The following CCNY variants were observed in gnomAD, a reference collection of about 807,000 sequenced individuals.
CCNY encodes the protein cyclin-Y.
A neutral mutation model predicts 42.8 loss-of-function variants in CCNY; 19 were observed. The ratio of observed to expected loss-of-function variants is 0.44; its 90% CI spans 0.31 to 0.65. The LOEUF is 0.65. Among genes scored for constraint, CCNY ranks in the 30% least tolerant of loss-of-function variants. CCNY has a pLI of 0.07. For missense variants in CCNY, 370 were observed against 437.3 expected (o/e 0.85, Z 1.37); for synonymous variants, 165 against 162.7 (o/e 1.01, Z -0.11).
chr10:35,518,998 C>T (rs1445607246), intron 4 of CCNY, among the ~76,000 whole-genome samples: 2 of 138,548 alleles, frequency 1.4e-5, no homozygotes, highest in Admixed American at 7.3e-5. Flanking sequence ...CTGGCTGAGG[C>T]ATACTGTGGG....
intron 1 of CCNY, among the ~76,000 whole-genome samples, chr10:35,352,456 G>T (rs1052511754): frequency 6.6e-6 from 1 of 152,198 alleles, no homozygotes; most frequent in Non-Finnish European, 1.5e-5. Context: ...TAGGCTTAGA[G>T]CCACAGCCAT....
chr10:35,326,803 C>T (rs1254998113), intron 3 of CCNY, among the ~76,000 whole-genome samples: 2 of 152,164 alleles, frequency 1.3e-5, no homozygotes, highest in Admixed American at 6.5e-5. Flanking sequence ...GTGGGAGGAT[C>T]GCTGGAACCC....
chr10:35,406,563 C>T (rs1837777949), intron 1 of CCNY, among the ~76,000 whole-genome samples: 1 of 152,170 alleles, frequency 6.6e-6, no homozygotes, highest in Non-Finnish European at 1.5e-5. Context: ...CACAGATCAA[C>T]AGGATCCCAA....
chr10:35,409,824 G>A (rs979072584), intron 1 of CCNY, among the ~76,000 whole-genome samples: 2 of 151,754 alleles, frequency 1.3e-5, no homozygotes, highest in East Asian at 1.9e-4. Context: ...GCATGATCAC[G>A]GCACACTGCA....
At chr10:35,565,879 TG>T in intron 8 of CCNY, 143 bp from the exon 9 acceptor site, 1 of 787,336 alleles carries the variant, frequency 1.3e-6, no homozygotes, top group Non-Finnish European at 2.1e-6. Context: ...CCCAATATGG[TG>T]GTCTAACCAG....
intron 3 of CCNY, among the ~76,000 whole-genome samples, chr10:35,307,832 T>TC (rs1835632219): frequency 6.9e-6 from 1 of 144,858 alleles, no homozygotes; most frequent in South Asian, 2.2e-4. Flanking sequence ...TTTTTTTTTT[T>TC]TCTGAGATGG....
intron 7 of CCNY, among the ~76,000 whole-genome samples, chr10:35,542,506 G>A (rs1263765819): frequency 6.6e-6 from 1 of 152,156 alleles, no homozygotes; most frequent in African/African-American, 2.4e-5. Context: ...CCACACGTAT[G>A]CAGGCAGTTG....
intron 2 of CCNY, among the ~76,000 whole-genome samples, chr10:35,489,126 A>T (rs188349726): frequency 1.3e-5 from 2 of 152,258 alleles, no homozygotes; most frequent in Admixed American, 1.3e-4. Flanking sequence ...AAATACAAAA[A>T]ACTAACTGGG....
chr10:35,415,607 A>G (rs1236476054), intron 1 of CCNY, among the ~76,000 whole-genome samples: 2 of 152,184 alleles, frequency 1.3e-5, no homozygotes, highest in East Asian at 1.9e-4. Context: ...CTGCTTGGGA[A>G]CATGTTTGTT....
intron 1 of CCNY, among the ~76,000 whole-genome samples, chr10:35,447,048 C>T (rs1014882492): frequency 2.0e-5 from 3 of 152,066 alleles, no homozygotes; most frequent in East Asian, 1.9e-4. Flanking sequence ...GAGGCTGAGG[C>T]GGGTGGATCA....
chr10:35,345,144 T>TCAC (rs1836272675), intron 1 of CCNY, among the ~76,000 whole-genome samples: 1 of 152,208 alleles, frequency 6.6e-6, no homozygotes, highest in African/African-American at 2.4e-5. Context: ...CCCTGAGGAA[T>TCAC]CACCACACTG....
At chr10:35,462,565 C>G (rs544256422) in intron 1 of CCNY, among the ~76,000 whole-genome samples, 54 of 152,356 alleles carry the variant, frequency 3.5e-4, no homozygotes, top group African/African-American at 1.3e-3. Flanking sequence ...ATTGAACTTT[C>G]AGAAACACAG....
At chr10:35,313,762 C>T (rs1339508168) in intron 3 of CCNY, among the ~76,000 whole-genome samples, 5 of 151,992 alleles carry the variant, frequency 3.3e-5, no homozygotes, top group African/African-American at 1.2e-4. Context: ...TGCTTGAGTC[C>T]AGGAGTTTGA....
chr10:35,470,179 A>AG (rs1839362108), intron 1 of CCNY, among the ~76,000 whole-genome samples: 1 of 151,650 alleles, frequency 6.6e-6, no homozygotes, highest in African/African-American at 2.4e-5. Context: ...GGAGAGACAG[A>AG]GAGGGAAACA....
intron 3 of CCNY, among the ~76,000 whole-genome samples, chr10:35,510,665 T>A (rs1406290797): frequency 1.3e-5 from 2 of 152,234 alleles, no homozygotes; most frequent in African/African-American, 2.4e-5. Flanking sequence ...CTAGGCACTT[T>A]ACAGGTGTTA....
At chr10:35,542,367 C>T (rs988202029) in intron 7 of CCNY, among the ~76,000 whole-genome samples, 2 of 151,974 alleles carry the variant, frequency 1.3e-5, no homozygotes, top group Non-Finnish European at 2.9e-5. Context: ...ATCAACATGA[C>T]TCATGACTAT....
intron 1 of CCNY, among the ~76,000 whole-genome samples, chr10:35,404,368 G>A (rs1040017419): frequency 1.3e-5 from 2 of 152,142 alleles, no homozygotes; most frequent in African/African-American, 4.8e-5. Context: ...GGATGAGTTA[G>A]GGAGAGCTAG....
intron 1 of CCNY, among the ~76,000 whole-genome samples, chr10:35,382,350 T>C (rs1837205158): frequency 6.6e-6 from 1 of 152,220 alleles, no homozygotes; most frequent in South Asian, 2.1e-4. Context: ...CAAGAGCTCC[T>C]GCCGGCTCCT....
intron 1 of CCNY, among the ~76,000 whole-genome samples, chr10:35,361,503 G>A (rs1836685719): frequency 6.6e-6 from 1 of 151,976 alleles, no homozygotes; most frequent in Admixed American, 6.5e-5. Flanking sequence ...ATAATATTTT[G>A]TTTGCCTGTG....
Sources: gnomAD v4.1 joint callset for allele counts (sites outside exome capture counted in the v4.1 genomes callset) on GRCh38, gnomAD v4.1.1 for gene constraint, MANE v1.5 for transcripts, NCBI Gene and HGNC (gene_info 2026-07-23, HGNC 2026-07-21) for gene names.